The following CMC1 variants were observed in gnomAD, a reference collection of about 807,000 sequenced individuals.
CMC1 encodes the protein COX assembly mitochondrial protein homolog.
CMC1 carries 14 observed loss-of-function variants against 14.1 expected under a neutral mutation model. The observed-to-expected ratio is 0.99, with a 90% confidence interval of 0.66 to 1.55. The LOEUF is 1.55. Among genes scored for constraint, CMC1 ranks in the 40% most tolerant of loss-of-function variants. The pLI, the probability that CMC1 is intolerant of heterozygous loss-of-function variation, is 0.00. For missense variants in CMC1, 127 were observed against 123.8 expected, an observed-to-expected ratio of 1.03 and a Z score of -0.12; for synonymous variants, 50 against 38.4, an observed-to-expected ratio of 1.30 and a Z score of -1.12.
At chr3:28,270,925 T>TC (rs1700247338) in intron 2 of CMC1, among the ~76,000 whole-genome samples, 1 of 143,738 alleles carries the variant, frequency 7.0e-6, no homozygotes, top group Non-Finnish European at 1.5e-5. Flanking sequence ...AATTTCTTTT[T>TC]TTTTTTTTTT....
At chr3:28,282,441 G>A (rs759250283) in intron 2 of CMC1, among the ~76,000 whole-genome samples, 5 of 152,112 alleles carry the variant, frequency 3.3e-5, no homozygotes, top group African/African-American at 4.8e-5. Context: ...GGTGTCCTAC[G>A]CATTATTCCT....
chr3:28,298,844 T>C (rs1233061115), intron 2 of CMC1, among the ~76,000 whole-genome samples: 2 of 152,024 alleles, frequency 1.3e-5, no homozygotes, highest in Admixed American at 6.6e-5. Context: ...GTTTTTTTTC[T>C]GGGAAAGTCT....
At position 28,324,111 on chromosome 3, in the gene CMC1, CAA is replaced by C. The variant is rs1185532458; in HGVS notation, c.*4484_*4485del. On this transcript the variant is annotated 3_prime_UTR_variant, in exon 4 of 4. Transcript: ENST00000466830. The stretch of plus-strand genomic sequence containing the variant: ...GCAGTGGTGGAAGGTTGGGTAAAGG[CAA>C]AGTTTTAGTTTTAGTTTCCCCAAAT... 6.2e-7 allele frequency: 1 copy of C among 1,610,088 alleles called. No homozygotes were observed. The highest frequency in any genetic ancestry group is 1.3e-5 in the African/African-American group (1 of 74,524).
rs1703243568 is a variant in CMC1 at position 28,323,154 on chromosome 3, A to G, written c.*3525A>G. 6.6e-6 allele frequency: 1 copy of G among 150,936 alleles called. No individual in the cohort carries two copies. The allele number at this position is 150,936 out of a possible 1,614,324, so 9.3% of individuals were successfully genotyped here. A position where few individuals can be genotyped will look rare whatever the true frequency, so the allele number is the denominator to read the frequency against. Reference sequence around the variant, plus strand: ...TCAACACAAAGTCTAACAATTTAGAAGCTGCTCTACACAATGTGCAGCTAG... The same window carrying G: ...TCAACACAAAGTCTAACAATTTAGAGGCTGCTCTACACAATGTGCAGCTAG... On this transcript the variant is annotated 3_prime_UTR_variant, in exon 4 of 4. Coordinates refer to ENST00000466830, the MANE Select transcript of CMC1 (RefSeq NM_182523.2).
chr3:28,308,637 A>G (rs943207714), intron 2 of CMC1, among the ~76,000 whole-genome samples: 1 of 152,204 alleles, frequency 6.6e-6, no homozygotes, highest in Non-Finnish European at 1.5e-5. Context: ...GGAGGCCTCT[A>G]AGAAAGAATA....
At chr3:28,264,443 T>G (rs1234906402) in intron 2 of CMC1, among the ~76,000 whole-genome samples, 1 of 152,214 alleles carries the variant, frequency 6.6e-6, no homozygotes, top group African/African-American at 2.4e-5. Context: ...CAACAATGTG[T>G]GATGGTAATT....
At chr3:28,283,599 A>G (rs2125526716) in intron 2 of CMC1, among the ~76,000 whole-genome samples, 1 of 151,910 alleles carries the variant, frequency 6.6e-6, no homozygotes, top group African/African-American at 2.4e-5. Context: ...TCTCTGCAGT[A>G]ATATATTGTC....
At chr3:28,247,496 G>A (rs556447825) in intron 1 of CMC1, among the ~76,000 whole-genome samples, 3 of 152,248 alleles carry the variant, frequency 2.0e-5, no homozygotes, top group East Asian at 1.9e-4. Context: ...TCAGTCATTG[G>A]TTACTGTAGT....
intron 2 of CMC1, among the ~76,000 whole-genome samples, chr3:28,310,670 T>C (rs2125599559): frequency 6.6e-6 from 1 of 152,338 alleles, no homozygotes; most frequent in South Asian, 2.1e-4. Flanking sequence ...AGTGTATAGA[T>C]TTGCCTTTGA....
intron 1 of CMC1, among the ~76,000 whole-genome samples, chr3:28,244,310 T>C (rs913611166): frequency 6.6e-6 from 1 of 152,190 alleles, no homozygotes; most frequent in African/African-American, 2.4e-5. Flanking sequence ...ATAGGAGCAG[T>C]AGTCCAGGCC....
intron 2 of CMC1, chr3:28,292,975 C>T (rs1371768746): frequency 1.3e-5 from 2 of 152,074 alleles, no homozygotes; most frequent in East Asian, 3.9e-4. Context: ...GTAAATTTTA[C>T]CTTTAAACAT....
intron 1 of CMC1, among the ~76,000 whole-genome samples, chr3:28,258,060 TTA>T (rs56153777): frequency 0.077 from 10,474 of 135,294 alleles, 568 homozygotes; most frequent in African/African-American, 0.15. Flanking sequence ...TTGAGCACCT[TTA>T]TATATATATA....
In CMC1 at chr3:28,321,400, C is replaced by T. The variant is rs1703185858; in HGVS notation, c.*1771C>T. 1 of 151,372 alleles carries T rather than the reference C, an allele frequency of 6.6e-6. No individual in the cohort carries two copies. Among genetic ancestry groups the T allele is most frequent in the African/African-American group, 2.4e-5 (1 of 41,336 alleles). 9.4% of individuals were successfully genotyped at this position (151,372 alleles called of 1,614,324 possible). A position where few individuals can be genotyped will look rare whatever the true frequency, so the allele number is the denominator to read the frequency against. On this transcript the variant is annotated 3_prime_UTR_variant, in exon 4 of 4. Coordinates refer to ENST00000466830, the MANE Select transcript of CMC1 (RefSeq NM_182523.2). ...AGAAAATTCACTTATGTACATGTTG[C>T]TTTCCCCATAGAAGCCAGATTAGAT...
chr3:28,300,821 A>G (rs1388169704), intron 2 of CMC1, among the ~76,000 whole-genome samples: 2 of 148,894 alleles, frequency 1.3e-5, no homozygotes, highest in African/African-American at 2.5e-5. Flanking sequence ...TGTTTTTTTC[A>G]ATTCTTGTCC....
In CMC1 at chr3:28,321,715, C is replaced by A. The variant is rs1295756172; in HGVS notation, c.*2086C>A. The A allele has an allele frequency of 6.6e-6, 1 of 151,212 alleles. No individual in the cohort carries two copies. Among genetic ancestry groups the A allele is most frequent in the East Asian group, 1.9e-4 (1 of 5,150 alleles). The allele number at this position is 151,212 out of a possible 1,614,324, so 9.4% of individuals were successfully genotyped here. On this transcript the variant is annotated 3_prime_UTR_variant, in exon 4 of 4. Transcript: ENST00000466830. ...TCAGCTCTTCAAGTCTGAATTTTCC[C>A]ATTTATTTTGGTTTTCTAATGTTTC... is the stretch of plus-strand genomic sequence containing the variant.
chr3:28,288,298 T>C (rs116409556), intron 2 of CMC1, among the ~76,000 whole-genome samples: 1 of 152,214 alleles, frequency 6.6e-6, no homozygotes, highest in African/African-American at 2.4e-5. Context: ...GAGTAGCATA[T>C]ATTTCTGATT....
rs574683114 is a variant in CMC1 at position 28,264,031 on chromosome 3, A to G, written c.109+651A>G. Reference sequence around the variant, plus strand: ...GTAAAGAAAGCAGTGAAAGGTGAATAGTGAGGCCATAATACATTTGTAAAT... The same window carrying G: ...GTAAAGAAAGCAGTGAAAGGTGAATGGTGAGGCCATAATACATTTGTAAAT... On this transcript the variant is annotated intron_variant, in intron 2 of 3. Transcript: ENST00000466830. Among the ~76,000 whole-genome samples the G allele has an allele frequency of 2.0e-5, 3 of 152,332 alleles. No individual in the cohort carries two copies. The South Asian group carries it at 6.2e-4, about 32-fold the overall frequency.
intron 2 of CMC1, among the ~76,000 whole-genome samples, chr3:28,267,938 G>A (rs539938439): frequency 6.6e-6 from 1 of 152,224 alleles, no homozygotes; most frequent in Admixed American, 6.5e-5. Flanking sequence ...TGTTGTTTGA[G>A]GTGTACCACT....
At chr3:28,288,747 G>A (rs1273398119) in intron 2 of CMC1, among the ~76,000 whole-genome samples, 1 of 150,792 alleles carries the variant, frequency 6.6e-6, no homozygotes, top group African/African-American at 2.4e-5. Flanking sequence ...ATACATTTGT[G>A]TGATAAATTT....
Sources: allele counts gnomAD v4.1 joint callset (sites outside exome capture counted in the v4.1 genomes callset), GRCh38; gene constraint gnomAD v4.1.1; transcripts MANE v1.5; gene names NCBI Gene and HGNC (gene_info 2026-07-23, HGNC 2026-07-21).